Variants in SLC8A1 observed in about 807,000 individuals in gnomAD.
SLC8A1 encodes sodium/calcium exchanger 1.
Under a neutral mutation model 68.3 loss-of-function variants are expected in SLC8A1, and 18 were observed. That is an observed-to-expected ratio of 0.26 (90% CI 0.18 to 0.39). The LOEUF is 0.39. Among genes scored for constraint, SLC8A1 ranks in the 10% least tolerant of loss-of-function variants. The pLI, the probability that SLC8A1 is intolerant of heterozygous loss-of-function variation, is 1.00. For missense variants in SLC8A1, 985 were observed against 1,156.7 expected (o/e 0.85, Z 2.15); for synonymous variants, 475 against 415.5 (o/e 1.14, Z -1.74).
chr2:40,323,069 T>A (rs2075394890), intron 2 of SLC8A1, among the ~76,000 whole-genome samples: 1 of 152,138 alleles, frequency 6.6e-6, no homozygotes, highest in African/African-American at 2.4e-5. Flanking sequence ...TGGACAGAGA[T>A]TACTGACAGA....
chr2:40,402,679 G>T lies in SLC8A1; in HGVS notation c.1808+25794C>A, dbSNP rs140741780. Among the ~76,000 whole-genome samples the T allele has an allele frequency of 1.4e-4, 22 of 152,134 alleles. No individual in the cohort carries two copies. The East Asian group carries it at 3.9e-3, about 27-fold the overall frequency. ...AATCGCCACATTTTCCCTAATTATG[G>T]CCATCATCTTTTCCAGTGCAAAAGA... On this transcript the variant is annotated intron_variant, in intron 2 of 7. Coordinates refer to ENST00000406785, the Ensembl canonical transcript of SLC8A1.
intron 2 of SLC8A1, among the ~76,000 whole-genome samples, chr2:40,334,406 T>A (rs1665272804): frequency 6.6e-6 from 1 of 152,238 alleles, no homozygotes; most frequent in Non-Finnish European, 1.5e-5. Flanking sequence ...TTTAAGGCCA[T>A]ATATCTGGAC....
intron 2 of SLC8A1, among the ~76,000 whole-genome samples, chr2:40,381,240 C>T (rs1681678952): frequency 6.6e-6 from 1 of 152,048 alleles, no homozygotes; most frequent in African/African-American, 2.4e-5. Context: ...GCTGAACTGT[C>T]ACCTCTTCCA....
chr2:40,237,978 G>A (rs2060639076), intron 2 of SLC8A1, among the ~76,000 whole-genome samples: 1 of 152,056 alleles, frequency 6.6e-6, no homozygotes, highest in Admixed American at 6.6e-5. Flanking sequence ...ATCTCCAGCT[G>A]CGTGCTGGGA....
At chr2:40,411,763 G>T (rs1419976573) in intron 2 of SLC8A1, among the ~76,000 whole-genome samples, 1 of 151,914 alleles carries the variant, frequency 6.6e-6, no homozygotes, top group Non-Finnish European at 1.5e-5. Flanking sequence ...GTAAAACAAA[G>T]ATTATACCTG....
chr2:40,315,070 T>C (rs2074253589), intron 2 of SLC8A1, among the ~76,000 whole-genome samples: 1 of 152,024 alleles, frequency 6.6e-6, no homozygotes, highest in African/African-American at 2.4e-5. Context: ...TTATTCCCAA[T>C]ATTAGGAGAG....
intron 2 of SLC8A1, among the ~76,000 whole-genome samples, chr2:40,364,786 A>T (rs1247567858): frequency 6.6e-6 from 1 of 152,056 alleles, no homozygotes; most frequent in Non-Finnish European, 1.5e-5. Flanking sequence ...CAGTTCTTGA[A>T]TTATTTTTAA....
intron 6 of SLC8A1, among the ~76,000 whole-genome samples, chr2:40,160,539 A>C (rs1482296305): frequency 6.6e-6 from 1 of 152,220 alleles, no homozygotes; most frequent in Non-Finnish European, 1.5e-5. Context: ...ATTTCCAGAA[A>C]GATGCAATAT....
At chr2:40,396,776 A>AAAAAAAAAAC (rs1372006424) in intron 2 of SLC8A1, among the ~76,000 whole-genome samples, 1 of 147,716 alleles carries the variant, frequency 6.8e-6, no homozygotes, top group South Asian at 2.1e-4. Context: ...AAAAAAAAAA[A>AAAAAAAAAAC]ACAAGAGAAG....
chr2:40,273,477 A>G (rs899994742), intron 2 of SLC8A1, among the ~76,000 whole-genome samples: 2 of 152,208 alleles, frequency 1.3e-5, no homozygotes, highest in African/African-American at 2.4e-5. Flanking sequence ...AAAGCTACAC[A>G]AAGTTCACAT....
rs1387240374 is a variant in SLC8A1 at position 40,372,154 on chromosome 2, C to A, written c.1808+56319G>T. 2.6e-5 allele frequency among the ~76,000 whole-genome samples: 4 copies of A among 152,092 alleles called. No homozygotes were observed. The East Asian group carries it at 5.8e-4, about 22-fold the overall frequency. On this transcript the variant is annotated intron_variant, in intron 2 of 7. Transcript: ENST00000406785. The stretch of plus-strand genomic sequence containing the variant: ...ATATTTATAATAATCACATTCAACC[C>A]TAGACTTTCCTCTAAGAATCTAAAC...
chr2:40,251,320 G>GACTT lies in SLC8A1; in HGVS notation c.1809-73469_1809-73466dup, dbSNP rs1284597213. The GACTT allele has an allele frequency of 3.3e-5, 5 of 152,294 alleles. 1 individual carries two copies. Among genetic ancestry groups the GACTT allele is most frequent in the South Asian group, 4.1e-4 (2 of 4,828 alleles). The allele number at this position is 152,294 out of a possible 1,614,324, so 9.4% of individuals were successfully genotyped here. ...TGTTGCCAAGGAGACTGTGTAAACA[G>GACTT]ACTTACACAAAGAGAAGTGGCTGGC... On this transcript the variant is annotated intron_variant, in intron 2 of 7. Coordinates refer to ENST00000406785, the Ensembl canonical transcript of SLC8A1.
chr2:40,124,236 C>T (rs985610499), intron 7 of SLC8A1, among the ~76,000 whole-genome samples: 2 of 152,162 alleles, frequency 1.3e-5, no homozygotes, highest in African/African-American at 4.8e-5. Flanking sequence ...TCGTTGTCAG[C>T]TGGATTATAC....
intron 2 of SLC8A1, among the ~76,000 whole-genome samples, chr2:40,377,419 G>T (rs1487902578): frequency 6.6e-6 from 1 of 152,034 alleles, no homozygotes; most frequent in Non-Finnish European, 1.5e-5. Flanking sequence ...TCTAATCCAT[G>T]GAAACTGAGA....
chr2:40,183,776 T>C (rs1020549569), intron 2 of SLC8A1, among the ~76,000 whole-genome samples: 9 of 152,184 alleles, frequency 5.9e-5, no homozygotes, highest in African/African-American at 2.2e-4. Flanking sequence ...GAATCACCTG[T>C]GGGATTTTGC....
chr2:40,244,741 C>G (rs1384418355), intron 2 of SLC8A1, among the ~76,000 whole-genome samples: 1 of 152,114 alleles, frequency 6.6e-6, no homozygotes, highest in African/African-American at 2.4e-5. Flanking sequence ...AGAAGTGCTG[C>G]CCCAGTCAGC....
chr2:40,098,524 C>T (rs2033708403), exon 8 of SLC8A1: 1 of 151,868 alleles, frequency 6.6e-6, no homozygotes, highest in Non-Finnish European at 1.5e-5. Context: ...ATTCAAAGTG[C>T]TTGAAAGGGA....
intron 2 of SLC8A1, among the ~76,000 whole-genome samples, chr2:40,199,151 T>C (rs1558716169): frequency 6.6e-6 from 1 of 151,900 alleles, no homozygotes; most frequent in East Asian, 1.9e-4. Context: ...AAGATGTCCA[T>C]GTTTTTAGTT....
chr2:40,315,158 T>C (rs1198491395), intron 2 of SLC8A1, among the ~76,000 whole-genome samples: 2 of 151,960 alleles, frequency 1.3e-5, no homozygotes, highest in African/African-American at 2.4e-5. Context: ...GTTGAAGAAG[T>C]TCCCACTATT....
Sources: allele counts gnomAD v4.1 joint callset (sites outside exome capture counted in the v4.1 genomes callset), GRCh38; gene constraint gnomAD v4.1.1; transcripts MANE v1.5; gene names NCBI Gene and HGNC (gene_info 2026-07-23, HGNC 2026-07-21).